Variants in DHPS observed in about 807,000 individuals in gnomAD.
DHPS encodes the protein migration-inducing gene 13.
In DHPS, 24 loss-of-function variants were observed where a neutral mutation model predicts 38.7. The ratio of observed to expected loss-of-function variants is 0.62; its 90% confidence interval spans 0.45 to 0.87. The LOEUF is 0.87. Among genes scored for constraint, DHPS ranks in the 40% least tolerant of loss-of-function variants. The probability of loss-of-function intolerance (pLI) is 0.00; values close to 1 mark genes in which losing one functional copy is unlikely to be tolerated. For missense variants in DHPS, 510 were observed against 497.6 expected, an observed-to-expected ratio of 1.02 and a Z score of -0.24; for synonymous variants, 250 against 204.4, an observed-to-expected ratio of 1.22 and a Z score of -1.90.
At chr19:12,680,407 T>A in intron 1 of DHPS, 82 bp from the exon 2 acceptor site, 1 of 1,490,480 alleles carries the variant, frequency 6.7e-7, no homozygotes, top group Non-Finnish European at 9.3e-7. Flanking sequence ...GAAACAGATT[T>A]CACCCCAGGC....
At chr19:12,678,290 T>G (rs1200416969) in intron 5 of DHPS, among the ~76,000 whole-genome samples, 1 of 148,380 alleles carries the variant, frequency 6.7e-6, no homozygotes, top group Non-Finnish European at 1.5e-5. Flanking sequence ...TTGTGCAACA[T>G]GGTGAGTTCC....
chr19:12,681,801 C>T lies in DHPS; in HGVS notation c.-35G>A, dbSNP rs777964179. The T allele has an allele frequency of 1.0e-5, 16 of 1,583,420 alleles. No homozygotes were observed. The highest frequency in any genetic ancestry group is 4.3e-4 in the Middle Eastern group (2 of 4,638). On this transcript the variant is annotated 5_prime_UTR_variant, in exon 1 of 9. Transcript: ENST00000210060. ...GCCGGCTCTCGAGTCAAAGCTGCCC[C>T]TAGGCCGGGCTTACGGCGGCCCAGA...
rs1158337496 is a variant in DHPS, at chr19:12,681,597, G to C, written c.170C>G (p.Thr57Ser). ...EAFGTTGFQATNFGRAVQQVN... is the reference protein window; with the variant it reads ...EAFGTTGFQASNFGRAVQQVN... Reference sequence around the variant, plus strand: ...TTGCTGTACAGCGCGCCCGAAGTTGGTTGCTTGGAAGCCGGTGGTGCCGAA... The same window carrying C: ...TTGCTGTACAGCGCGCCCGAAGTTGCTTGCTTGGAAGCCGGTGGTGCCGAA... The change falls in exon 1 of 9, where the codon ACC (threonine) becomes AGC (serine). Residue 57 changes from threonine (T) to serine (S), a missense_variant. Transcript: ENST00000210060. 1.9e-6 allele frequency: 3 copies of C among 1,614,262 alleles called. No individual in the cohort carries two copies. The East Asian group carries it at 6.7e-5, about 36-fold the overall frequency.
rs777370096 is a variant in DHPS, at chr19:12,681,844, C to T, written c.-78G>A. ...GGCCCAGAAACGCGTTAAACCCCGACGCGCGCGTCTCCGCAAGAGCACAGG... is the reference window on the plus strand; with the variant it reads ...GGCCCAGAAACGCGTTAAACCCCGATGCGCGCGTCTCCGCAAGAGCACAGG... On this transcript the variant is annotated 5_prime_UTR_variant, in exon 1 of 9. Transcript: ENST00000210060. 107 of 1,291,686 alleles carry T rather than the reference C, an allele frequency of 8.3e-5. 1 individual carries two copies. The highest frequency in any genetic ancestry group is 1.1e-4 in the Non-Finnish European group (99 of 922,442). 80.0% of individuals were successfully genotyped at this position (1,291,686 alleles called of 1,614,324 possible).
intron 5 of DHPS, 71 bp downstream of exon 5, chr19:12,679,386 G>A: frequency 1.4e-6 from 2 of 1,392,004 alleles, no homozygotes; most frequent in Non-Finnish European, 1.0e-6. Context: ...TGAATCCCCA[G>A]GAGGCTGGAA....
Position 12,677,038 on chromosome 19 carries a change from A to C in DHPS, c.888+70T>G, listed in dbSNP as rs79135196. ...CTGGCCTGTCTAGTTCATGCTGTCTACCCAGCACATGGCATAGGCCCACCA... is the reference window on the plus strand; with the variant it reads ...CTGGCCTGTCTAGTTCATGCTGTCTCCCCAGCACATGGCATAGGCCCACCA... On this transcript the variant is annotated intron_variant, in intron 7 of 8. Transcript: ENST00000210060. 7.2e-3 allele frequency: 10,361 copies of C among 1,433,944 alleles called. 602 individuals carry two copies. The African/African-American group carries it at 0.12, about 17-fold the overall frequency. 88.8% of individuals were successfully genotyped at this position (1,433,944 alleles called of 1,614,324 possible).
chr19:12,673,021 C>T (rs1289252742), downstream of DHPS: 3 of 1,613,586 alleles, frequency 1.9e-6, no homozygotes, highest in Non-Finnish European at 1.7e-6. Flanking sequence ...CCATCACCTG[C>T]ACCTGCTTCA....
chr19:12,676,045 T>C lies in DHPS; in HGVS notation c.986A>G (p.Lys329Arg). 6.2e-7 allele frequency: 1 copy of C among 1,614,138 alleles called. No individual in the cohort carries two copies. Among genetic ancestry groups the C allele is most frequent in the Non-Finnish European group, 8.5e-7 (1 of 1,180,000 alleles). ...ARPDEAVSWG[K>R]IRVDAQPVKV... ...GACGGGCTGTGCATCCACCCGGATC[T>C]TGCCCCAGGAGACAGCCTCGTCTGG... The change falls in exon 8 of 9, where the codon AAG becomes AGG. Residue 329 changes from lysine (K) to arginine (R), a missense_variant. Lys to Arg is a conservative substitution (Grantham distance 26). Coordinates refer to ENST00000210060, the MANE Select transcript of DHPS (RefSeq NM_001930.4).
chr19:12,675,633 G>C, downstream of DHPS: 10 of 1,602,348 alleles, frequency 6.2e-6, no homozygotes, highest in Non-Finnish European at 7.6e-6. Flanking sequence ...TCCAGTGCTG[G>C]CGAGAGGAGG....
downstream of DHPS, among the ~76,000 whole-genome samples, chr19:12,674,055 T>C (rs1253917906): frequency 6.6e-6 from 1 of 151,990 alleles, no homozygotes; most frequent in African/African-American, 2.4e-5. Flanking sequence ...GAACAGCATA[T>C]GTTAAGAGGT....
chr19:12,677,671 C>T (rs890129973), intron 5 of DHPS, among the ~76,000 whole-genome samples: 6 of 152,146 alleles, frequency 3.9e-5, no homozygotes, highest in South Asian at 2.1e-4. Context: ...GAGTTTCACT[C>T]GTTGCCCAGG....
At chr19:12,673,233 C>T (rs1445546213), downstream of DHPS, 4 of 1,613,906 alleles carry the variant, frequency 2.5e-6, no homozygotes, top group African/African-American at 5.3e-5. Flanking sequence ...GGAATACAAG[C>T]TGGACTGCTG....
intron 7 of DHPS, chr19:12,676,434 C>T (rs567849874): frequency 2.4e-4 from 93 of 388,282 alleles, no homozygotes; most frequent in African/African-American, 1.7e-3. Flanking sequence ...ATCCAACCAC[C>T]GCCTGCCTCC....
At chr19:12,672,744 C>T, downstream of DHPS, 3 of 1,206,554 alleles carry the variant, frequency 2.5e-6, no homozygotes, top group East Asian at 2.5e-5. Context: ...AATTCCACTC[C>T]TGTGCACTGG....
At chr19:12,676,949 T>C (rs1157119444) in intron 7 of DHPS, 159 bp downstream of exon 7, 2 of 657,594 alleles carry the variant, frequency 3.0e-6, no homozygotes, top group Non-Finnish European at 5.4e-6. Flanking sequence ...GACTGCCCCC[T>C]GACGTGGATG....
intron 5 of DHPS, 62 bp from the exon 6 acceptor site, chr19:12,677,458 T>G: frequency 1.4e-6 from 2 of 1,388,918 alleles, no homozygotes; most frequent in South Asian, 2.5e-5. Context: ...GCTGGCTATA[T>G]GACTATCTGA....
chr19:12,674,026 A>G (rs531156599), downstream of DHPS, among the ~76,000 whole-genome samples: 2 of 152,324 alleles, frequency 1.3e-5, no homozygotes, highest in East Asian at 3.9e-4. Flanking sequence ...TGAGGCAGGA[A>G]GGGCATTCCA....
chr19:12,673,456 C>A, downstream of DHPS: 1 of 620,158 alleles, frequency 1.6e-6, no homozygotes, highest in South Asian at 2.1e-5. Context: ...CTTGCTCTGT[C>A]GCCCAGGCTA....
downstream of DHPS, chr19:12,675,400 C>T (rs550528491): frequency 1.4e-6 from 2 of 1,385,540 alleles, no homozygotes; most frequent in Non-Finnish European, 9.6e-7. Context: ...AGGCAGGTGG[C>T]TGAAGGTCGG....
Sources: gnomAD v4.1 joint callset for allele counts (sites outside exome capture counted in the v4.1 genomes callset) on GRCh38, gnomAD v4.1.1 for gene constraint, MANE v1.5 for transcripts, NCBI Gene and HGNC (gene_info 2026-07-23, HGNC 2026-07-21) for gene names.